MALT1: variants seen among roughly 807,000 people sequenced by gnomAD.
The protein encoded by MALT1 is MALT1 paracaspase.
A neutral mutation model predicts 85.5 loss-of-function variants in MALT1; 36 were observed. The observed-to-expected ratio is 0.42, with a 90% CI of 0.32 to 0.56. MALT1 has a LOEUF of 0.56. MALT1 is among the 20% of genes least tolerant of loss of function. The pLI is 0.10. For missense variants in MALT1, 716 were observed against 981.6 expected (o/e 0.73, Z 3.62); for synonymous variants, 359 against 361.3 (o/e 0.99, Z 0.07).
At chr18:58,723,571 T>C (rs1480782619) in intron 10 of MALT1, among the ~76,000 whole-genome samples, 1 of 152,176 alleles carries the variant, frequency 6.6e-6, no homozygotes, top group Non-Finnish European at 1.5e-5. Context: ...AAATTTACAT[T>C]CATATGCGTA....
In MALT1 at chr18:58,709,484, A is replaced by T; in HGVS notation, c.756A>T (p.Gly252=). ...STLVLQCVAV[G]SPIPHYQWFK... ...TGGTTTTACAGTGTGTTGCTGTTGG[A>T]AGCCCTATTCCTCACTACCAGTGGT... is the stretch of plus-strand genomic sequence containing the variant. The change falls in exon 5 of 17, where the codon GGA becomes GGT. Residue 252 remains glycine, a synonymous_variant. Coordinates refer to ENST00000649217, the MANE Select transcript of MALT1 (RefSeq NM_006785.4). 5 of 1,613,536 alleles carry T rather than the reference A, an allele frequency of 3.1e-6. No individual in the cohort carries two copies. The highest frequency in any genetic ancestry group is 4.2e-6 in the Non-Finnish European group (5 of 1,179,734).
At chr18:58,677,135 G>A (rs1370248456) in intron 1 of MALT1, among the ~76,000 whole-genome samples, 1 of 152,084 alleles carries the variant, frequency 6.6e-6, no homozygotes, top group East Asian at 1.9e-4. Flanking sequence ...AGAAAAGTTA[G>A]GTATGTATAA....
intron 2 of MALT1, chr18:58,691,382 CTG>C: frequency 1.5e-6 from 1 of 688,764 alleles, no homozygotes; most frequent in East Asian, 4.3e-5. Context: ...CCCAGCTCCT[CTG>C]TGGCAATGAC....
At chr18:58,731,590 T>C (rs766388426) in intron 10 of MALT1, among the ~76,000 whole-genome samples, 1 of 152,360 alleles carries the variant, frequency 6.6e-6, no homozygotes, top group South Asian at 2.1e-4. Context: ...TACCTCGCTC[T>C]CTCTCTGCCT....
At chr18:58,715,425 C>G (rs7242509) in intron 8 of MALT1, among the ~76,000 whole-genome samples, 84,293 of 151,958 alleles carry the variant, frequency 0.55, 27,514 homozygotes, top group Non-Finnish European at 0.72. Context: ...AGTTATCTCC[C>G]GACAGTAGTG....
At chr18:58,678,155 A>G (rs928589421) in intron 1 of MALT1, among the ~76,000 whole-genome samples, 2 of 152,200 alleles carry the variant, frequency 1.3e-5, no homozygotes, top group South Asian at 2.1e-4. Flanking sequence ...GATCGTATAC[A>G]TTTTTTCCAT....
chr18:58,716,084 T>C (rs2054895532), intron 9 of MALT1, 117 bp downstream of exon 9: 3 of 728,216 alleles, frequency 4.1e-6, no homozygotes, highest in Non-Finnish European at 6.8e-6. Context: ...TGGGACCAAA[T>C]GTTTTATTTT....
chr18:58,681,269 C>A lies in MALT1; in HGVS notation c.309C>A (p.Val103=). 6.2e-7 allele frequency: 1 copy of A among 1,614,144 alleles called. No homozygotes were observed. Among genetic ancestry groups the A allele is most frequent in the South Asian group, 1.1e-5 (1 of 91,070 alleles). ...LKLMGEKGCT[V]TELSDFLQAM... ...TAATGGGTGAAAAAGGTTGCACAGT[C>A]ACAGAATTGAGTGATTTCCTGCAGG... The change falls in exon 2 of 17, where the codon GTC becomes GTA. Residue 103 remains valine, a synonymous_variant. Transcript: ENST00000649217.
At chr18:58,740,823 ATTGTCTCT>A (rs1386635183) in intron 13 of MALT1, among the ~76,000 whole-genome samples, 2 of 152,184 alleles carry the variant, frequency 1.3e-5, no homozygotes, top group Non-Finnish European at 2.9e-5. Flanking sequence ...ATTTCTGCTG[ATTGTCTCT>A]TTGATCAATA....
intron 13 of MALT1, chr18:58,741,658 A>G: frequency 2.7e-6 from 1 of 367,138 alleles, no homozygotes; most frequent in Non-Finnish European, 4.9e-6. Context: ...ACATTGGCAT[A>G]TACTATTTAT....
chr18:58,677,981 T>C (rs2054265474), intron 1 of MALT1, among the ~76,000 whole-genome samples: 1 of 152,226 alleles, frequency 6.6e-6, no homozygotes, highest in Non-Finnish European at 1.5e-5. Flanking sequence ...GAAGTTAGCT[T>C]TAATATTCTT....
At chr18:58,737,179 T>A (rs552792490) in intron 13 of MALT1, among the ~76,000 whole-genome samples, 8 of 150,548 alleles carry the variant, frequency 5.3e-5, no homozygotes, top group East Asian at 1.9e-4. Flanking sequence ...CATCTCAATT[T>A]AAAAAAAAAA....
intron 1 of MALT1, among the ~76,000 whole-genome samples, chr18:58,679,619 T>C (rs1326946098): frequency 2.0e-5 from 3 of 152,202 alleles, no homozygotes; most frequent in Non-Finnish European, 4.4e-5. Flanking sequence ...AGTGGCATGA[T>C]CTCAGCTCAC....
At position 58,747,850 on chromosome 18, in the gene MALT1, G is replaced by GTTTTTGAAAGTTAGCATAA; in HGVS notation, c.*13_*31dup. 6.2e-7 allele frequency: 1 copy of GTTTTTGAAAGTTAGCATAA among 1,605,082 alleles called. No individual in the cohort carries two copies. The highest frequency in any genetic ancestry group is 8.5e-7 in the Non-Finnish European group (1 of 1,174,082). On this transcript the variant is annotated 3_prime_UTR_variant, in exon 17 of 17. Transcript: ENST00000649217. ...AGAATTTCTGAAAAATGACCTCCTT[G>GTTTTTGAAAGTTAGCATAA]TTTTTGAAAGTTAGCATAATTTTAG...
intron 13 of MALT1, among the ~76,000 whole-genome samples, chr18:58,738,548 T>C (rs2055256552): frequency 6.6e-6 from 1 of 152,200 alleles, no homozygotes; most frequent in African/African-American, 2.4e-5. Flanking sequence ...CAGTATTCCA[T>C]TTTGAGAGAG....
chr18:58,723,432 C>T (rs2055011812), intron 10 of MALT1, among the ~76,000 whole-genome samples, 181 bp downstream of exon 10: 1 of 151,972 alleles, frequency 6.6e-6, no homozygotes, highest in Non-Finnish European at 1.5e-5. Context: ...TAATTAGCTT[C>T]ATGTCTTTAC....
chr18:58,715,166 T>C (rs913280417), intron 8 of MALT1, among the ~76,000 whole-genome samples: 1 of 152,216 alleles, frequency 6.6e-6, no homozygotes, highest in Non-Finnish European at 1.5e-5. Flanking sequence ...ATAGGGGGTC[T>C]GGATAGAATC....
chr18:58,729,284 G>A (rs2055110196), intron 10 of MALT1, among the ~76,000 whole-genome samples: 1 of 152,096 alleles, frequency 6.6e-6, no homozygotes, highest in Non-Finnish European at 1.5e-5. Context: ...GAGGTCTGGA[G>A]TTTGAGACCA....
rs1431829143 is a variant in MALT1, at chr18:58,750,384, T to C, written c.*2542T>C. 6.5e-6 allele frequency: 1 copy of C among 152,798 alleles called. No homozygotes were observed. Among genetic ancestry groups the C allele is most frequent in the Non-Finnish European group, 1.5e-5 (1 of 68,412 alleles). The allele number at this position is 152,798 out of a possible 1,614,324, so 9.5% of individuals were successfully genotyped here. A position where few individuals can be genotyped will look rare whatever the true frequency, so the allele number is the denominator to read the frequency against. ...CTATCAAAATCCTAGCTGTATTTTT[T>C]GCAGAAATTGACAAACTGGTAAAAT... On this transcript the variant is annotated 3_prime_UTR_variant, in exon 17 of 17. Transcript: ENST00000649217.
Sources: gnomAD v4.1 joint callset for allele counts (sites outside exome capture counted in the v4.1 genomes callset) on GRCh38, gnomAD v4.1.1 for gene constraint, MANE v1.5 for transcripts, NCBI Gene and HGNC (gene_info 2026-07-23, HGNC 2026-07-21) for gene names.